Variants in SIGLECL1 observed in about 807,000 individuals in gnomAD.
The protein encoded by SIGLECL1 is SIGLEC family like 1.
SIGLECL1 carries 16 observed loss-of-function variants against 19.1 expected under a neutral mutation model. That is an observed-to-expected ratio of 0.84 (90% confidence interval 0.57 to 1.27). The LOEUF (loss-of-function observed/expected upper bound fraction) is 1.27. SIGLECL1 is among the 50% of genes most tolerant of loss of function. SIGLECL1 has a pLI of 0.00. For missense variants in SIGLECL1, 210 were observed against 239.4 expected (o/e 0.88, Z 0.81); for synonymous variants, 89 against 90.4 (o/e 0.98, Z 0.09).
At chr19:51,267,774 T>C (rs1291940700) in intron 5 of SIGLECL1, among the ~76,000 whole-genome samples, 4 of 152,170 alleles carry the variant, frequency 2.6e-5, no homozygotes, top group Non-Finnish European at 5.9e-5. Flanking sequence ...ACCATTACAT[T>C]GAATCCCCAC....
intron 1 of SIGLECL1, among the ~76,000 whole-genome samples, chr19:51,253,153 G>A (rs1982600675): frequency 6.6e-6 from 1 of 152,070 alleles, no homozygotes; most frequent in African/African-American, 2.4e-5. Flanking sequence ...ATGCTGATAG[G>A]AGCTAAGCAG....
At chr19:51,252,946 G>T (rs1982584272) in intron 1 of SIGLECL1, among the ~76,000 whole-genome samples, 1 of 151,966 alleles carries the variant, frequency 6.6e-6, no homozygotes, top group African/African-American at 2.4e-5. Context: ...GTAACATAGT[G>T]AGACTCTGTC....
intron 1 of SIGLECL1, among the ~76,000 whole-genome samples, 194 bp from the exon 2 acceptor site, chr19:51,263,689 T>C (rs1160280249): frequency 6.6e-6 from 1 of 151,992 alleles, no homozygotes; most frequent in African/African-American, 2.4e-5. Context: ...ACATGGGAGA[T>C]GGAGATTGCA....
upstream of SIGLECL1, among the ~76,000 whole-genome samples, chr19:51,250,177 C>T (rs964191356): frequency 6.6e-6 from 1 of 151,866 alleles, no homozygotes; most frequent in African/African-American, 2.4e-5. Context: ...ACTTCCACCT[C>T]GCGGATTCAA....
chr19:51,257,765 G>C lies in SIGLECL1; in HGVS notation c.-190-6118G>C, dbSNP rs138532042. 5.8e-4 allele frequency: 88 copies of C among 152,324 alleles called. 2 individuals carry two copies. Among genetic ancestry groups the C allele is most frequent in the African/African-American group, 1.9e-3 (81 of 41,562 alleles). The allele number at this position is 152,324 out of a possible 1,614,324, so 9.4% of individuals were successfully genotyped here. On this transcript the variant is annotated intron_variant, in intron 1 of 5. Coordinates refer to ENST00000601727, the MANE Select transcript of SIGLECL1 (RefSeq NM_001385465.1). The stretch of plus-strand genomic sequence containing the variant: ...AAGCAATACCAGATAGTCTAACAAT[G>C]TGATTTAGAATAGGGGCTTTGGATC...
chr19:51,249,026 G>C (rs767956400), upstream of SIGLECL1, among the ~76,000 whole-genome samples: 2 of 152,102 alleles, frequency 1.3e-5, no homozygotes, highest in African/African-American at 4.8e-5. Context: ...GTTTGGGAAA[G>C]GGACAGAAAT....
chr19:51,268,887 A>G lies in SIGLECL1; in HGVS notation c.*290A>G. The stretch of plus-strand genomic sequence containing the variant: ...TGTGCCACCCTGGGAAGGTGTCAAA[A>G]GAAGGAAAAATACATGTGACAATAT... On this transcript the variant is annotated 3_prime_UTR_variant, in exon 6 of 6. Coordinates refer to ENST00000601727, the MANE Select transcript of SIGLECL1 (RefSeq NM_001385465.1). 1 of 357,738 alleles carries G rather than the reference A, an allele frequency of 2.8e-6. No individual in the cohort carries two copies. Among genetic ancestry groups the G allele is most frequent in the Non-Finnish European group, 5.0e-6 (1 of 198,232 alleles). 22.2% of individuals were successfully genotyped at this position (357,738 alleles called of 1,614,324 possible).
intron 1 of SIGLECL1, among the ~76,000 whole-genome samples, chr19:51,256,859 T>A (rs1407214400): frequency 3.3e-5 from 5 of 152,168 alleles, no homozygotes; most frequent in Non-Finnish European, 7.3e-5. Flanking sequence ...TCATCTCTGA[T>A]CACTGCTCTA....
chr19:51,264,187 C>A, intron 2 of SIGLECL1, 93 bp downstream of exon 2: 1 of 1,459,868 alleles, frequency 6.8e-7, no homozygotes, highest in Non-Finnish European at 9.5e-7. Flanking sequence ...GCTATGGAGG[C>A]ATGGAGAAAG....
intron 1 of SIGLECL1, among the ~76,000 whole-genome samples, chr19:51,256,657 T>C (rs1982829278): frequency 6.6e-6 from 1 of 152,198 alleles, no homozygotes; most frequent in Non-Finnish European, 1.5e-5. Context: ...ACAGTAAATA[T>C]TAAGTGTTCT....
upstream of SIGLECL1, among the ~76,000 whole-genome samples, chr19:51,250,084 CTTT>C (rs529491900): frequency 1.4e-5 from 2 of 141,092 alleles, no homozygotes; most frequent in Admixed American, 7.1e-5. Context: ...TGGCTGGCTT[CTTT>C]TTTTTTTTTT....
rs386810321 is a variant in SIGLECL1 at position 51,253,858 on chromosome 19, GC to G, written c.-191+2315del. 7.6e-3 allele frequency among the ~76,000 whole-genome samples: 1,157 copies of G among 152,270 alleles called. 15 individuals carry two copies. The highest frequency in any genetic ancestry group is 0.027 in the African/African-American group (1,107 of 41,542). Reference sequence around the variant, plus strand: ...AGTCATAGTACTTTTGTGGATCTCTGCCTTCCTTTTGGAAGTGTTGATAATG... The same window carrying G: ...AGTCATAGTACTTTTGTGGATCTCTGCTTCCTTTTGGAAGTGTTGATAATG... On this transcript the variant is annotated intron_variant, in intron 1 of 5. Coordinates refer to ENST00000601727, the MANE Select transcript of SIGLECL1 (RefSeq NM_001385465.1).
At chr19:51,267,630 G>A (rs780300423) in intron 5 of SIGLECL1, 101 bp downstream of exon 5, 14 of 1,363,702 alleles carry the variant, frequency 1.0e-5, no homozygotes, top group Non-Finnish European at 1.4e-5. Context: ...ATCATCCTCA[G>A]TCTTGCAGGA....
intron 4 of SIGLECL1, among the ~76,000 whole-genome samples, chr19:51,266,755 G>A (rs1983705805): frequency 6.6e-6 from 1 of 152,220 alleles, no homozygotes. Context: ...GAAGCATGGA[G>A]TGGGAAGGGG....
rs566180619 is a variant in SIGLECL1 at position 51,264,230 on chromosome 19, C to T, written c.22+136C>T. ...ATGGGCATAAGTACCAAATAATCAA[C>T]ATGAATTAGACAGCTTCTGTGTGTC... On this transcript the variant is annotated intron_variant, in intron 2 of 5. Transcript: ENST00000601727. 1.4e-3 allele frequency: 1,446 copies of T among 1,011,436 alleles called. 7 individuals are homozygous for T. Among genetic ancestry groups the T allele is most frequent in the Middle Eastern group, 8.6e-3 (28 of 3,268 alleles). The allele number at this position is 1,011,436 out of a possible 1,614,324, so 62.7% of individuals were successfully genotyped here.
upstream of SIGLECL1, among the ~76,000 whole-genome samples, chr19:51,250,680 G>T (rs1982426994): frequency 6.6e-6 from 1 of 152,208 alleles, no homozygotes; most frequent in Admixed American, 6.5e-5. Context: ...AGAGGAGTGT[G>T]GTTTCATCAG....
chr19:51,247,664 C>T (rs540799126), upstream of SIGLECL1, among the ~76,000 whole-genome samples: 1 of 152,312 alleles, frequency 6.6e-6, no homozygotes, highest in Admixed American at 6.5e-5. Flanking sequence ...GTGATCCACC[C>T]GCCTCAGCCT....
Position 51,268,944 on chromosome 19 carries a change from C to T in SIGLECL1, c.*347C>T, listed in dbSNP as rs1402694443. The T allele has an allele frequency of 1.3e-5, 3 of 228,990 alleles. No individual in the cohort carries two copies. The highest frequency in any genetic ancestry group is 7.8e-5 in the South Asian group (1 of 12,838). 14.2% of individuals were successfully genotyped at this position (228,990 alleles called of 1,614,324 possible). On this transcript the variant is annotated 3_prime_UTR_variant, in exon 6 of 6. Coordinates refer to ENST00000601727, the MANE Select transcript of SIGLECL1 (RefSeq NM_001385465.1). ...AGTCCATCAGCAAGTTACTTTTGAG[C>T]GCCTACTGTGTGTCAGTGCCTGAGA...
chr19:51,264,845 G>A (rs781581516), intron 2 of SIGLECL1, among the ~76,000 whole-genome samples: 3 of 152,150 alleles, frequency 2.0e-5, no homozygotes, highest in Non-Finnish European at 4.4e-5. Context: ...TATTGAATGG[G>A]TAATACTTCA....
Sources: allele counts gnomAD v4.1 joint callset (sites outside exome capture counted in the v4.1 genomes callset), GRCh38; gene constraint gnomAD v4.1.1; transcripts MANE v1.5; gene names NCBI Gene and HGNC (gene_info 2026-07-23, HGNC 2026-07-21).